OPCML: variants seen among roughly 807,000 people sequenced by gnomAD.
The protein encoded by OPCML is opioid-binding protein/cell adhesion molecule.
In OPCML, 13 loss-of-function variants were observed where a neutral mutation model predicts 37.8. The ratio of observed to expected loss-of-function variants is 0.34; its 90% confidence interval spans 0.22 to 0.55. The LOEUF is 0.55. Ranked by LOEUF, OPCML falls within the 20% of genes least tolerant of loss-of-function variation. The pLI is 0.91. For missense variants in OPCML, 341 were observed against 435.6 expected (o/e 0.78, Z 1.93); for synonymous variants, 176 against 168.8 (o/e 1.04, Z -0.33).
chr11:133,113,257 T>A (rs1384159952), intron 1 of OPCML, among the ~76,000 whole-genome samples: 4 of 152,064 alleles, frequency 2.6e-5, no homozygotes, highest in Non-Finnish European at 2.9e-5. Context: ...ATCTGTTTTT[T>A]CCCCACACTT....
At chr11:133,445,334 CTGT>C (rs1223720388) in intron 1 of OPCML, among the ~76,000 whole-genome samples, 1 of 152,218 alleles carries the variant, frequency 6.6e-6, no homozygotes, top group African/African-American at 2.4e-5. Context: ...TGTAAAGGGG[CTGT>C]TGACATGAGC....
chr11:133,518,358 T>A (rs1480329840), intron 1 of OPCML, among the ~76,000 whole-genome samples: 1 of 150,130 alleles, frequency 6.7e-6, no homozygotes, highest in Admixed American at 6.6e-5. Context: ...CTCATATGGG[T>A]GGGTGGTGTG....
intron 1 of OPCML, among the ~76,000 whole-genome samples, chr11:133,243,915 C>T (rs917993611): frequency 1.3e-5 from 2 of 152,110 alleles, no homozygotes; most frequent in African/African-American, 4.8e-5. Context: ...TGGAGGTGGG[C>T]GAGGGAGCTG....
intron 2 of OPCML, among the ~76,000 whole-genome samples, chr11:132,867,891 G>A (rs1942636480): frequency 6.6e-6 from 1 of 152,168 alleles, no homozygotes; most frequent in South Asian, 2.1e-4. Context: ...CCATGTTAAT[G>A]AGCAGGTTGT....
intron 2 of OPCML, among the ~76,000 whole-genome samples, chr11:132,818,809 G>T (rs1173820993): frequency 6.7e-6 from 1 of 149,814 alleles, no homozygotes; most frequent in East Asian, 1.9e-4. Context: ...CATAGCATTA[G>T]GAGATATACC....
chr11:132,453,490 C>T (rs1411281576), intron 4 of OPCML, among the ~76,000 whole-genome samples: 1 of 152,166 alleles, frequency 6.6e-6, no homozygotes, highest in African/African-American at 2.4e-5. Context: ...TCGGGCCCCA[C>T]AAAAGGACCG....
At chr11:132,745,340 C>T (rs1784174) in intron 2 of OPCML, among the ~76,000 whole-genome samples, 16,057 of 151,934 alleles carry the variant, frequency 0.11, 1,033 homozygotes, top group African/African-American at 0.17. Context: ...AGTGTACAAA[C>T]GATTAAAATA....
At chr11:132,974,220 T>A (rs939918565) in intron 1 of OPCML, among the ~76,000 whole-genome samples, 3 of 152,210 alleles carry the variant, frequency 2.0e-5, no homozygotes, top group African/African-American at 4.8e-5. Context: ...TAAATTAACT[T>A]TTTAACTTGG....
At chr11:133,077,073 G>A (rs1326915605) in intron 1 of OPCML, among the ~76,000 whole-genome samples, 1 of 152,068 alleles carries the variant, frequency 6.6e-6, no homozygotes, top group African/African-American at 2.4e-5. Flanking sequence ...CTGCAACAGA[G>A]AGTATCACTC....
chr11:133,420,113 G>A (rs370386238), intron 1 of OPCML: 20 of 280,010 alleles, frequency 7.1e-5, no homozygotes, highest in South Asian at 5.4e-4. Context: ...TGAAAATACC[G>A]TGCTAGAGAT....
intron 1 of OPCML, among the ~76,000 whole-genome samples, chr11:133,120,261 G>A (rs182980543): frequency 4.3e-4 from 66 of 152,210 alleles, no homozygotes; most frequent in Non-Finnish European, 3.4e-4. Context: ...CACATTTACT[G>A]AGCAAAGCAG....
intron 2 of OPCML, among the ~76,000 whole-genome samples, chr11:132,815,417 A>G (rs1939575676): frequency 6.6e-6 from 1 of 152,208 alleles, no homozygotes; most frequent in South Asian, 2.1e-4. Flanking sequence ...AAAATAATAG[A>G]TTAAAGATGT....
At chr11:133,384,371 C>G (rs1565605978) in intron 1 of OPCML, among the ~76,000 whole-genome samples, 1 of 151,992 alleles carries the variant, frequency 6.6e-6, no homozygotes, top group Non-Finnish European at 1.5e-5. Flanking sequence ...AGCTACAGGT[C>G]AGAGGAAAAG....
chr11:132,914,984 C>T (rs1253202460), intron 2 of OPCML, among the ~76,000 whole-genome samples: 9 of 152,206 alleles, frequency 5.9e-5, no homozygotes. Context: ...GTCTGACAAC[C>T]TTGCGGCCTG....
chr11:132,782,442 T>C (rs1947064056), intron 2 of OPCML, among the ~76,000 whole-genome samples: 1 of 152,254 alleles, frequency 6.6e-6, no homozygotes, highest in Non-Finnish European at 1.5e-5. Context: ...TGTTTCTTAG[T>C]AAAGCGAATG....
chr11:132,692,367 T>C (rs929312569), intron 2 of OPCML, among the ~76,000 whole-genome samples: 2 of 152,218 alleles, frequency 1.3e-5, no homozygotes, highest in African/African-American at 4.8e-5. Context: ...ATGCAGCTCA[T>C]GCATCTATAG....
At position 133,346,738 on chromosome 11, in the gene OPCML, T is replaced by A. The variant is rs143912216; in HGVS notation, c.61+185526A>T. 9.2e-3 allele frequency among the ~76,000 whole-genome samples: 1,404 copies of A among 152,340 alleles called. 25 individuals carry two copies. The highest frequency in any genetic ancestry group is 0.031 in the African/African-American group (1,281 of 41,580). On this transcript the variant is annotated intron_variant, in intron 1 of 7. Coordinates refer to ENST00000524381, the MANE Select transcript of OPCML (RefSeq NM_001012393.5). ...AAAACCTGGGTTCCAAGCCTCGTTT[T>A]ACCACTTGTTTGATTAATTAATTTA...
At chr11:132,905,265 C>CTTGTTTCCCA in intron 2 of OPCML, among the ~76,000 whole-genome samples, 1 of 111,774 alleles carries the variant, frequency 8.9e-6, no homozygotes, top group East Asian at 2.7e-4. Flanking sequence ...GAGTTTCACT[C>CTTGTTTCCCA]TTGTTTCCCA....
At chr11:133,119,129 G>A (rs1487258937) in intron 1 of OPCML, among the ~76,000 whole-genome samples, 1 of 151,950 alleles carries the variant, frequency 6.6e-6, no homozygotes, top group African/African-American at 2.4e-5. Flanking sequence ...TACAGCCATC[G>A]TGCCCCAGGC....
Sources: allele counts gnomAD v4.1 joint callset (sites outside exome capture counted in the v4.1 genomes callset), GRCh38; gene constraint gnomAD v4.1.1; transcripts MANE v1.5; gene names NCBI Gene and HGNC (gene_info 2026-07-23, HGNC 2026-07-21).